Variants in KALRN observed in about 807,000 individuals in gnomAD.
KALRN encodes kalirin RhoGEF kinase, also known as kalirin.
A neutral mutation model predicts 353.7 loss-of-function variants in KALRN; 70 were observed. That is an observed-to-expected ratio of 0.20 (90% CI 0.16 to 0.24). KALRN has a LOEUF of 0.24. Ranked by LOEUF, KALRN falls within the 10% of genes least tolerant of loss-of-function variation. The pLI, the probability that KALRN is intolerant of heterozygous loss-of-function variation, is 1.00. For synonymous variants in KALRN, 1,391 were observed against 1,434.8 expected, an observed-to-expected ratio of 0.97 and a Z score of 0.69; for missense variants, 2,791 against 3,756.7, an observed-to-expected ratio of 0.74 and a Z score of 6.72.
At chr3:124,046,636 T>C (rs573509218) in intron 1 of KALRN, among the ~76,000 whole-genome samples, 63 of 152,272 alleles carry the variant, frequency 4.1e-4, no homozygotes, top group African/African-American at 1.5e-3. Context: ...ATAAAAACAG[T>C]GTTTTTGGCT....
At chr3:124,148,643 A>G (rs1208600156) in intron 1 of KALRN, among the ~76,000 whole-genome samples, 2 of 152,198 alleles carry the variant, frequency 1.3e-5, no homozygotes, top group Non-Finnish European at 2.9e-5. Context: ...AATTATTGAA[A>G]TTAAGGAGAA....
intron 33 of KALRN, among the ~76,000 whole-genome samples, chr3:124,517,038 G>T (rs147656222): frequency 6.6e-6 from 1 of 152,034 alleles, no homozygotes; most frequent in South Asian, 2.1e-4. Context: ...GGTTAGTCTC[G>T]AACGCCTGAT....
At chr3:124,513,371 G>A (rs548835638) in intron 33 of KALRN, among the ~76,000 whole-genome samples, 12 of 152,262 alleles carry the variant, frequency 7.9e-5, no homozygotes, top group African/African-American at 2.9e-4. Context: ...TTTACTTTCT[G>A]TGATTCCAGA....
chr3:124,238,404 A>G (rs1027439009), intron 3 of KALRN, among the ~76,000 whole-genome samples: 7 of 152,210 alleles, frequency 4.6e-5, no homozygotes, highest in African/African-American at 1.7e-4. Context: ...GGAGAAAGTG[A>G]ACTTCCTGTC....
chr3:124,378,710 G>A (rs1333937168), intron 10 of KALRN, among the ~76,000 whole-genome samples: 6 of 151,246 alleles, frequency 4.0e-5, no homozygotes, highest in Admixed American at 1.3e-4. Context: ...GTTTTGTTTT[G>A]TTTCTTTTAG....
rs139027073 is a variant in KALRN, at chr3:124,342,773, G to A, written c.1648-4370G>A. On this transcript the variant is annotated intron_variant, in intron 9 of 59. Transcript: ENST00000682506. ...TTCCAGTTCAGGGGCACAAATCACT[G>A]TCACTTATGCCCCTGAGTATACCTT... 2.6e-3 allele frequency among the ~76,000 whole-genome samples: 398 copies of A among 152,232 alleles called. 2 individuals are homozygous for A. Among genetic ancestry groups the A allele is most frequent in the Non-Finnish European group, 5.2e-3 (356 of 68,032 alleles).
chr3:124,697,886 G>A (rs2062129122), intron 55 of KALRN, among the ~76,000 whole-genome samples, 162 bp downstream of exon 55: 2 of 152,056 alleles, frequency 1.3e-5, no homozygotes, highest in African/African-American at 2.4e-5. Flanking sequence ...GGTCTCAAAC[G>A]CCAGGGCTAA....
At chr3:124,158,915 A>G (rs893848022) in intron 1 of KALRN, among the ~76,000 whole-genome samples, 39 of 152,196 alleles carry the variant, frequency 2.6e-4, no homozygotes, top group African/African-American at 9.1e-4. Context: ...GCTTCCCTGA[A>G]CACCTCTTAG....
chr3:124,689,352 A>C (rs2061706553), intron 51 of KALRN, among the ~76,000 whole-genome samples: 1 of 151,964 alleles, frequency 6.6e-6, no homozygotes, highest in African/African-American at 2.4e-5. Context: ...GTAGCTGTGC[A>C]CCACCACACC....
At chr3:124,375,958 G>A (rs1008118161) in intron 10 of KALRN, among the ~76,000 whole-genome samples, 3 of 152,020 alleles carry the variant, frequency 2.0e-5, no homozygotes, top group African/African-American at 4.8e-5. Flanking sequence ...AAACACACAC[G>A]GTTGGACTGT....
intron 18 of KALRN, among the ~76,000 whole-genome samples, chr3:124,441,416 G>A (rs1487027396): frequency 6.6e-6 from 1 of 152,138 alleles, no homozygotes; most frequent in African/African-American, 2.4e-5. Context: ...CTTGAAAAAA[G>A]GAAAGCTCAG....
chr3:124,575,956 C>T (rs2074046869), intron 34 of KALRN, among the ~76,000 whole-genome samples: 1 of 152,006 alleles, frequency 6.6e-6, no homozygotes, highest in Non-Finnish European at 1.5e-5. Flanking sequence ...CTTTGGCGGA[C>T]GTTATTCTGT....
intron 5 of KALRN, among the ~76,000 whole-genome samples, chr3:124,291,769 T>C: frequency 6.6e-6 from 1 of 152,336 alleles, no homozygotes; most frequent in African/African-American, 2.4e-5. Flanking sequence ...CAGGCTGTGC[T>C]GTCCTTCCTT....
At chr3:124,248,831 T>C (rs2070717269) in intron 3 of KALRN, among the ~76,000 whole-genome samples, 1 of 152,236 alleles carries the variant, frequency 6.6e-6, no homozygotes, top group African/African-American at 2.4e-5. Context: ...TTTATCTGTT[T>C]CCATCGCTAG....
At chr3:124,454,292 A>G (rs1272138879) in intron 21 of KALRN, among the ~76,000 whole-genome samples, 1 of 152,180 alleles carries the variant, frequency 6.6e-6, no homozygotes, top group Admixed American at 6.5e-5. Flanking sequence ...GGCAGAGACA[A>G]ATAGGCTCTG....
chr3:124,341,239 A>C (rs2081672618), intron 9 of KALRN, among the ~76,000 whole-genome samples: 1 of 152,236 alleles, frequency 6.6e-6, no homozygotes, highest in African/African-American at 2.4e-5. Flanking sequence ...GAAGATCTTT[A>C]CAAGTTGTTA....
chr3:124,176,258 G>T (rs16835156), intron 1 of KALRN, among the ~76,000 whole-genome samples: 1,566 of 152,086 alleles, frequency 0.01, 17 homozygotes, highest in African/African-American at 0.035. Flanking sequence ...AAGATGGAAC[G>T]GGATGACTGG....
At chr3:124,685,168 C>T (rs375475752) in intron 51 of KALRN, among the ~76,000 whole-genome samples, 4 of 152,066 alleles carry the variant, frequency 2.6e-5, no homozygotes, top group South Asian at 2.1e-4. Flanking sequence ...ACATTCCTGT[C>T]GTTTTATTTT....
intron 3 of KALRN, among the ~76,000 whole-genome samples, chr3:124,242,582 G>A (rs1487729902): frequency 6.6e-6 from 1 of 152,342 alleles, no homozygotes; most frequent in Admixed American, 6.5e-5. Flanking sequence ...ATGGAAGAGG[G>A]CGGTAGGGAA....
Sources: gnomAD v4.1 joint callset for allele counts (sites outside exome capture counted in the v4.1 genomes callset) on GRCh38, gnomAD v4.1.1 for gene constraint, MANE v1.5 for transcripts, NCBI Gene and HGNC (gene_info 2026-07-23, HGNC 2026-07-21) for gene names.